Variants in LRP2 observed in about 807,000 individuals in gnomAD.
LRP2 encodes low-density lipoprotein receptor-related protein 2.
A neutral mutation model predicts 531.0 loss-of-function variants in LRP2; 172 were observed. That is an observed-to-expected ratio of 0.32 (90% CI 0.29 to 0.37). The LOEUF is 0.37. Among genes scored for constraint, LRP2 ranks in the 10% least tolerant of loss-of-function variants. The pLI is 1.00. For missense variants in LRP2, 5,167 were observed against 5,868.3 expected, an observed-to-expected ratio of 0.88 and a Z score of 3.90; for synonymous variants, 1,992 against 2,027.6, an observed-to-expected ratio of 0.98 and a Z score of 0.47.
chr2:169,233,875 A>G (rs915543636), intron 29 of LRP2, among the ~76,000 whole-genome samples: 4 of 152,212 alleles, frequency 2.6e-5, no homozygotes, highest in African/African-American at 9.6e-5. Flanking sequence ...ACTGAAGCAC[A>G]AAAAGCAAGG....
At chr2:169,167,147 G>T (rs1686816190) in intron 61 of LRP2, among the ~76,000 whole-genome samples, 1 of 152,204 alleles carries the variant, frequency 6.6e-6, no homozygotes, top group South Asian at 2.1e-4. Flanking sequence ...GGAGAGAAGA[G>T]ATTTCCTAAG....
intron 24 of LRP2, among the ~76,000 whole-genome samples, 192 bp from the exon 25 acceptor site, chr2:169,241,557 C>T (rs531421052): frequency 2.6e-5 from 4 of 152,164 alleles, no homozygotes; most frequent in Non-Finnish European, 5.9e-5. Context: ...TTCTTTGTGG[C>T]AGCTAGTGGC....
chr2:169,327,231 T>C (rs1574260825), intron 1 of LRP2, among the ~76,000 whole-genome samples: 1 of 88,470 alleles, frequency 1.1e-5, no homozygotes, highest in African/African-American at 4.7e-5. Flanking sequence ...GGGAGGGAGG[T>C]GGGGGGGTCA....
At chr2:169,282,477 A>T (rs1358118757) in intron 10 of LRP2, among the ~76,000 whole-genome samples, 2 of 152,242 alleles carry the variant, frequency 1.3e-5, no homozygotes, top group African/African-American at 4.8e-5. Flanking sequence ...TAAATTTTGC[A>T]AGAACACTGT....
chr2:169,258,003 CA>C (rs1364143308), intron 17 of LRP2, among the ~76,000 whole-genome samples: 1 of 151,888 alleles, frequency 6.6e-6, no homozygotes, highest in Non-Finnish European at 1.5e-5. Flanking sequence ...TTTTCAAAAC[CA>C]AAGGCCAAAA....
chr2:169,217,051 G>A (rs1157767817), intron 34 of LRP2, among the ~76,000 whole-genome samples: 1 of 152,020 alleles, frequency 6.6e-6, no homozygotes, highest in African/African-American at 2.4e-5. Context: ...ACAGCGATCA[G>A]GTACACATGA....
chr2:169,152,957 C>T lies in LRP2; in HGVS notation c.12303G>A (p.Val4101=). The T allele has an allele frequency of 6.2e-7, 1 of 1,613,838 alleles. No homozygotes were observed. Among genetic ancestry groups the T allele is most frequent in the African/African-American group, 1.3e-5 (1 of 75,012 alleles). The change falls in exon 67 of 79, where the codon GTG becomes GTA. Residue 4101 remains valine, a synonymous_variant. Transcript: ENST00000649046. ...WDPKDIGLSV[V]YYTVRGEGSR... is the part of the protein sequence containing the mutation. Reference sequence around the variant, plus strand: ...AGCCCTCCCCTCGCACAGTGTAATACACAACACCTACAGAGGAAGACACAC... The same window carrying T: ...AGCCCTCCCCTCGCACAGTGTAATATACAACACCTACAGAGGAAGACACAC...
intron 52 of LRP2, among the ~76,000 whole-genome samples, chr2:169,179,593 G>A (rs532929501): frequency 3.3e-5 from 5 of 152,140 alleles, no homozygotes; most frequent in East Asian, 2.0e-4. Flanking sequence ...GGTGGTGCAC[G>A]CCTGTAATAC....
At chr2:169,275,524 T>C (rs1683529183) in intron 13 of LRP2, among the ~76,000 whole-genome samples, 1 of 152,236 alleles carries the variant, frequency 6.6e-6, no homozygotes, top group Non-Finnish European at 1.5e-5. Flanking sequence ...TCCCCTTTTG[T>C]TCTTCATTCC....
At chr2:169,258,182 C>T (rs1029961899) in intron 17 of LRP2, among the ~76,000 whole-genome samples, 3 of 152,102 alleles carry the variant, frequency 2.0e-5, no homozygotes, top group Non-Finnish European at 2.9e-5. Context: ...CTTTTTTAGG[C>T]ACACAGGCAT....
intron 70 of LRP2, among the ~76,000 whole-genome samples, chr2:169,145,183 C>T (rs561818788): frequency 6.6e-6 from 1 of 152,272 alleles, no homozygotes; most frequent in East Asian, 1.9e-4. Context: ...CCTCACTTCC[C>T]TTTGCCTTTC....
At chr2:169,240,097 A>G (rs1252026214) in intron 25 of LRP2, among the ~76,000 whole-genome samples, 1 of 143,374 alleles carries the variant, frequency 7.0e-6, no homozygotes, top group Non-Finnish European at 1.6e-5. Context: ...TCATTGATAG[A>G]GCATGCAAAG....
At chr2:169,307,422 T>A in intron 3 of LRP2, 25 bp from the exon 4 acceptor site, 1 of 1,269,222 alleles carries the variant, frequency 7.9e-7, no homozygotes, top group Non-Finnish European at 1.2e-6. Flanking sequence ...AATTATTACT[T>A]AATTTATAAT....
At chr2:169,303,744 A>T (rs1221193500) in intron 4 of LRP2, among the ~76,000 whole-genome samples, 1 of 152,256 alleles carries the variant, frequency 6.6e-6, no homozygotes, top group Non-Finnish European at 1.5e-5. Flanking sequence ...GTAGAGGGAA[A>T]TAGGAAAGAA....
rs138467901 is a variant in LRP2, at chr2:169,176,364, G to A, written c.10571+47C>T. On this transcript the variant is annotated intron_variant, in intron 54 of 78. Transcript: ENST00000649046. ...CTTGGAGCCTTGAAGGTCAATGTCT[G>A]TCCACGGGCTAGAGAGGCACTGAGG... The A allele has an allele frequency of 8.7e-6, 14 of 1,609,336 alleles. No homozygotes were observed. In the African/African-American group the frequency reaches 1.6e-4, roughly 18 times the overall value.
At chr2:169,269,084 C>G (rs1258036080) in intron 16 of LRP2, among the ~76,000 whole-genome samples, 1 of 152,162 alleles carries the variant, frequency 6.6e-6, no homozygotes, top group Admixed American at 6.6e-5. Flanking sequence ...CTACAAACCA[C>G]TGCTCAGCAA....
intron 15 of LRP2, chr2:169,271,758 A>C (rs982013648): frequency 1.1e-6 from 1 of 900,182 alleles, no homozygotes; most frequent in Admixed American, 7.3e-5. Context: ...TAACTTCTGC[A>C]TAGAGATCTA....
chr2:169,313,486 T>A (rs1461771018), intron 3 of LRP2, among the ~76,000 whole-genome samples: 1 of 152,236 alleles, frequency 6.6e-6, no homozygotes, highest in East Asian at 1.9e-4. Flanking sequence ...CTCCAGACCC[T>A]GTTTGCCTGG....
chr2:169,285,501 T>C (rs998927397), intron 9 of LRP2, among the ~76,000 whole-genome samples: 2 of 152,114 alleles, frequency 1.3e-5, no homozygotes, highest in African/African-American at 4.8e-5. Flanking sequence ...AAACACTACT[T>C]TACAATCCCC....
Sources: gnomAD v4.1 joint callset for allele counts (sites outside exome capture counted in the v4.1 genomes callset) on GRCh38, gnomAD v4.1.1 for gene constraint, MANE v1.5 for transcripts, NCBI Gene and HGNC (gene_info 2026-07-23, HGNC 2026-07-21) for gene names.